The following NDRG2 variants were observed in gnomAD, a reference collection of about 807,000 sequenced individuals.
NDRG2 encodes NDRG family member 2, also known as protein NDRG2.
A neutral mutation model predicts 58.2 loss-of-function variants in NDRG2; 34 were observed. That is an observed-to-expected ratio of 0.58 (90% CI 0.44 to 0.78). The LOEUF (loss-of-function observed/expected upper bound fraction) is 0.78. NDRG2 is among the 30% of genes least tolerant of loss of function. The pLI, the probability that NDRG2 is intolerant of heterozygous loss-of-function variation, is 0.00. For missense variants in NDRG2, 434 were observed against 471.2 expected, an observed-to-expected ratio of 0.92 and a Z score of 0.73; for synonymous variants, 187 against 175.9, an observed-to-expected ratio of 1.06 and a Z score of -0.50.
At chr14:21,067,847 A>G (rs2139175530) in intron 1 of NDRG2, among the ~76,000 whole-genome samples, 1 of 146,228 alleles carries the variant, frequency 6.8e-6, no homozygotes, top group Non-Finnish European at 1.5e-5. Flanking sequence ...ACCACATGTC[A>G]CTTACTTACT....
Position 21,024,769 on chromosome 14 carries a change from C to T in NDRG2, c.-746G>A, listed in dbSNP as rs796442956. ...GAACCCGTCCCTACGAGTCCCTACG[C>T]AGCCCGTCCGCGTGGAGACTGACAC... On this transcript the variant is annotated 5_prime_UTR_variant, in exon 1 of 16. Coordinates refer to ENST00000556147, the MANE Select transcript of NDRG2 (RefSeq NM_001320329.2). The T allele has an allele frequency of 3.9e-5, 38 of 985,616 alleles. No homozygotes were observed. The African/African-American group carries it at 5.9e-4, about 15-fold the overall frequency. The allele number at this position is 985,616 out of a possible 1,614,324, so 61.1% of individuals were successfully genotyped here. A position where few individuals can be genotyped will look rare whatever the true frequency, so the allele number is the denominator to read the frequency against.
Position 21,043,452 on chromosome 14 carries a change from A to G in NDRG2, c.25-20131T>C, listed in dbSNP as rs201669828. ...CCACCTGGTTCCTGTACACTTGGAC[A>G]GAGTCCTTTAGGTTTCCAGACTGGC... On this transcript the variant is annotated intron_variant, in intron 1 of 14. Transcript: ENST00000403829. 67 of 1,590,506 alleles carry G rather than the reference A, an allele frequency of 4.2e-5. No homozygotes were observed. In the African/African-American group the frequency reaches 7.8e-4, roughly 19 times the overall value.
At chr14:21,025,954 G>A (rs1883555363), upstream of NDRG2, 2 of 154,032 alleles carry the variant, frequency 1.3e-5, no homozygotes, top group African/African-American at 2.4e-5. This position sits in a 1 kb window ranked among gnomAD's most constrained non-coding sequence, Gnocchi z 5.1. Context: ...GTAGGGGCTT[G>A]GGGAGGACGC....
intron 1 of NDRG2, among the ~76,000 whole-genome samples, chr14:21,045,534 G>A (rs1885104584): frequency 7.2e-5 from 11 of 152,188 alleles, no homozygotes; most frequent in Admixed American, 7.2e-4. Flanking sequence ...GTGGTGCACA[G>A]AAAAGCAAGA....
At chr14:21,062,898 G>A (rs1886041606) in intron 1 of NDRG2, among the ~76,000 whole-genome samples, 1 of 149,864 alleles carries the variant, frequency 6.7e-6, no homozygotes, top group Admixed American at 6.7e-5. Context: ...AGGATCAATA[G>A]AGCCCGGGTG....
At chr14:21,045,759 A>C (rs997532658) in intron 1 of NDRG2, among the ~76,000 whole-genome samples, 1 of 152,242 alleles carries the variant, frequency 6.6e-6, no homozygotes, top group Non-Finnish European at 1.5e-5. Context: ...TAGCATTAAA[A>C]GTTGACCTAA....
chr14:21,038,463 A>G (rs1186426352), intron 1 of NDRG2, among the ~76,000 whole-genome samples: 1 of 152,212 alleles, frequency 6.6e-6, no homozygotes, highest in Non-Finnish European at 1.5e-5. Context: ...TAGAGGTGAG[A>G]AAGATGTCTC....
Position 21,017,202 on chromosome 14 carries a change from A to G in NDRG2, c.*394T>C, listed in dbSNP as rs1377243416. ...CCTCAGCTTTGGTGAATGGAGCCCC[A>G]GCCCCAAATCCCCTCCCCTTGCAAA... On this transcript the variant is annotated 3_prime_UTR_variant, in exon 16 of 16. Coordinates refer to ENST00000556147, the MANE Select transcript of NDRG2 (RefSeq NM_001320329.2). 1.4e-5 allele frequency: 5 copies of G among 365,044 alleles called. No individual in the cohort carries two copies. The highest frequency in any genetic ancestry group is 2.7e-5 in the Non-Finnish European group (5 of 184,916). The allele number at this position is 365,044 out of a possible 1,614,324, so 22.6% of individuals were successfully genotyped here.
At chr14:21,023,400 G>T in intron 1 of NDRG2, 79 bp from the exon 2 acceptor site, 1 of 1,310,708 alleles carries the variant, frequency 7.6e-7, no homozygotes, top group Non-Finnish European at 1.1e-6. Context: ...TCCTCTCTCA[G>T]CACAGGAAGA....
intron 1 of NDRG2, chr14:21,058,448 T>C: frequency 1.1e-6 from 1 of 908,880 alleles, no homozygotes; most frequent in Non-Finnish European, 1.7e-6. Context: ...TGCTCCCCAC[T>C]GCAAATGCCA....
At chr14:21,045,377 A>C (rs1958032) in intron 1 of NDRG2, among the ~76,000 whole-genome samples, 127,003 of 152,254 alleles carry the variant, frequency 0.83, 53,551 homozygotes, top group African/African-American at 0.96. Context: ...GTAAAAACAA[A>C]TGTTACCTGA....
At chr14:21,020,093 A>G in intron 8 of NDRG2, 117 bp from the exon 9 acceptor site, 1 of 835,134 alleles carries the variant, frequency 1.2e-6, no homozygotes, top group Admixed American at 2.0e-5. Flanking sequence ...CAGGAGTTCA[A>G]GACCACCCTG....
At chr14:21,040,999 G>A (rs1442220462) in intron 1 of NDRG2, among the ~76,000 whole-genome samples, 1 of 151,736 alleles carries the variant, frequency 6.6e-6, no homozygotes, top group African/African-American at 2.4e-5. Flanking sequence ...TTGTTTGTTT[G>A]TTTGTTTTTT....
chr14:21,065,468 G>A (rs1241576919), intron 1 of NDRG2, among the ~76,000 whole-genome samples: 1 of 152,118 alleles, frequency 6.6e-6, no homozygotes, highest in Admixed American at 6.5e-5. Flanking sequence ...AAATAGACAA[G>A]GTCCCTCATT....
chr14:21,018,408 T>C (rs746915514), intron 13 of NDRG2, 49 bp downstream of exon 13: 1 of 1,611,908 alleles, frequency 6.2e-7, no homozygotes, highest in Non-Finnish European at 8.5e-7. Flanking sequence ...CAGCTGCATG[T>C]AGAGAGGATA....
At chr14:21,059,547 T>G (rs1885846110) in intron 1 of NDRG2, among the ~76,000 whole-genome samples, 3 of 152,122 alleles carry the variant, frequency 2.0e-5, no homozygotes, top group Admixed American at 2.0e-4. Context: ...CATGCTGCAG[T>G]GCAGTGGCCC....
intron 1 of NDRG2, among the ~76,000 whole-genome samples, chr14:21,035,595 G>C (rs982240773): frequency 6.6e-6 from 1 of 152,254 alleles, no homozygotes; most frequent in South Asian, 2.1e-4. Flanking sequence ...CAGCAGAAAA[G>C]GGGAGTCAGA....
intron 1 of NDRG2, among the ~76,000 whole-genome samples, chr14:21,045,921 T>C (rs914796175): frequency 2.6e-5 from 4 of 152,168 alleles, no homozygotes; most frequent in Admixed American, 1.3e-4. Context: ...ATGTTTCCTA[T>C]GTGAAAGCTC....
Position 21,070,539 on chromosome 14 carries a change from C to A in NDRG2, c.24+289G>T. Reference sequence around the variant, plus strand: ...TGGGACTCTCCTCCCTCCCATCCCCCCTTCTTCGATTTGTCTGTCTGCCCG... The same window carrying A: ...TGGGACTCTCCTCCCTCCCATCCCCACTTCTTCGATTTGTCTGTCTGCCCG... On this transcript the variant is annotated intron_variant, in intron 1 of 14. Transcript: ENST00000403829. The surrounding 1 kb of genome is among the most constrained non-coding windows in gnomAD (Gnocchi z 4.7). The A allele has an allele frequency of 1.8e-6, 2 of 1,088,530 alleles. No individual in the cohort carries two copies. Among genetic ancestry groups the A allele is most frequent in the Non-Finnish European group, 2.5e-6 (2 of 799,116 alleles). The allele number at this position is 1,088,530 out of a possible 1,614,324, so 67.4% of individuals were successfully genotyped here.
Sources: allele counts gnomAD v4.1 joint callset (sites outside exome capture counted in the v4.1 genomes callset), GRCh38; gene constraint gnomAD v4.1.1; non-coding constraint Gnocchi (gnomAD v3.1); transcripts MANE v1.5; gene names NCBI Gene and HGNC (gene_info 2026-07-23, HGNC 2026-07-21).